ANKUB1: variants seen among roughly 807,000 people sequenced by gnomAD.
ANKUB1 encodes protein ANKUB1.
A neutral mutation model predicts 49.3 loss-of-function variants in ANKUB1; 42 were observed. That is an observed-to-expected ratio of 0.85 (90% CI 0.67 to 1.10). The LOEUF (loss-of-function observed/expected upper bound fraction) is 1.10. ANKUB1 is among the 50% of genes least tolerant of loss of function. ANKUB1 has a pLI of 0.00. For missense variants in ANKUB1, 613 were observed against 642.0 expected (o/e 0.95, Z 0.49); for synonymous variants, 222 against 231.0 (o/e 0.96, Z 0.35).
chr3:149,776,912 G>A (rs540192996), intron 3 of ANKUB1, among the ~76,000 whole-genome samples: 8 of 152,144 alleles, frequency 5.3e-5, no homozygotes, highest in Non-Finnish European at 1.0e-4. Flanking sequence ...AGGAGGCAGC[G>A]GTTGCAGTAA....
Position 149,767,540 on chromosome 3 carries a change from C to A in ANKUB1, c.1122G>T (p.Val374=), listed in dbSNP as rs1421825836. Residue 374 remains valine, a synonymous_variant, in exon 5 of 6, where the codon GTG becomes GTT. Transcript: ENST00000446160. Reference sequence around the variant, plus strand: ...GTTTGCTGAGAGATGGTAGCTTGAGCACGATGCTTTGTGAGTCGCTGTTCC... The same window carrying A: ...GTTTGCTGAGAGATGGTAGCTTGAGAACGATGCTTTGTGAGTCGCTGTTCC... ...KAGNSDSQSI[V]LKLPSLSKQT... The A allele has an allele frequency of 1.9e-6, 3 of 1,551,526 alleles. No homozygotes were observed. In the Admixed American group the frequency reaches 5.9e-5, roughly 30 times the overall value.
intron 3 of ANKUB1, among the ~76,000 whole-genome samples, chr3:149,775,574 A>G (rs926418859): frequency 1.4e-4 from 22 of 152,100 alleles, no homozygotes; most frequent in African/African-American, 5.3e-4. Context: ...AGCTGACACA[A>G]CCCTGCTCCT....
Position 149,767,917 on chromosome 3 carries a change from C to T in ANKUB1, c.745G>A (p.Glu249Lys), listed in dbSNP as rs1193526174. The T allele has an allele frequency of 6.5e-7, 1 of 1,550,320 alleles. No individual in the cohort carries two copies. The highest frequency in any genetic ancestry group is 1.4e-5 in the African/African-American group (1 of 73,040). ...TTCAGAATCAACAGTTGGCCTGCTT[C>T]TGCGGCTGCATGAATGGGGCATTTA... ...VSKCPIHAAA[E>K]AGQLLILKAF... Residue 249 changes from glutamate (E) to lysine (K), a missense_variant, in exon 5 of 6, where the codon GAA becomes AAA. Coordinates refer to ENST00000446160, the MANE Select transcript of ANKUB1 (RefSeq NM_001144960.3).
chr3:149,770,000 C>A (rs1288527822), intron 4 of ANKUB1, among the ~76,000 whole-genome samples: 1 of 152,114 alleles, frequency 6.6e-6, no homozygotes, highest in African/African-American at 2.4e-5. Flanking sequence ...AACCCCTTCT[C>A]CTCTTTCTCC....
chr3:149,761,404 CTGT>C lies in ANKUB1; in HGVS notation c.*77_*79del. 2 of 1,447,702 alleles carry C rather than the reference CTGT, an allele frequency of 1.4e-6. No individual in the cohort carries two copies. Among genetic ancestry groups the C allele is most frequent in the Non-Finnish European group, 1.9e-6 (2 of 1,065,332 alleles). 89.7% of individuals were successfully genotyped at this position (1,447,702 alleles called of 1,614,324 possible). ...GTTACTAGAGATGATAACATTAGAA[CTGT>C]TATTAGAAATGTTAACATTAGAACT... is the stretch of plus-strand genomic sequence containing the variant. On this transcript the variant is annotated 3_prime_UTR_variant, in exon 6 of 6. Coordinates refer to ENST00000446160, the MANE Select transcript of ANKUB1 (RefSeq NM_001144960.3).
intron 2 of ANKUB1, among the ~76,000 whole-genome samples, chr3:149,786,381 T>G (rs1465641986): frequency 6.6e-6 from 1 of 152,248 alleles, no homozygotes; most frequent in African/African-American, 2.4e-5. Context: ...AATGTCTTCT[T>G]TTGAGAAGCA....
At chr3:149,776,847 T>C (rs1244957652) in intron 3 of ANKUB1, among the ~76,000 whole-genome samples, 1 of 152,028 alleles carries the variant, frequency 6.6e-6, no homozygotes, top group Admixed American at 6.6e-5. Context: ...CATGGTGGGA[T>C]GCACCTGTAG....
At position 149,784,302 on chromosome 3, in the gene ANKUB1, G is replaced by T. The variant is rs149893633; in HGVS notation, c.235-3847C>A. Among the ~76,000 whole-genome samples, 538 of 152,290 alleles carry T rather than the reference G, an allele frequency of 3.5e-3. 5 individuals are homozygous for T. The highest frequency in any genetic ancestry group is 0.012 in the African/African-American group (509 of 41,564). On this transcript the variant is annotated intron_variant, in intron 2 of 5. Coordinates refer to ENST00000446160, the MANE Select transcript of ANKUB1 (RefSeq NM_001144960.3). ...CCTAGGGAGGCTGAGCCCATTTCAC[G>T]CTCTGAAAAGCACAACCTGCTGGAT...
chr3:149,763,479 T>A (rs755129839), intron 5 of ANKUB1, among the ~76,000 whole-genome samples: 10 of 152,220 alleles, frequency 6.6e-5, no homozygotes, highest in Non-Finnish European at 1.5e-4. Flanking sequence ...TATGCCTTTT[T>A]AAATAAAGAA....
intron 5 of ANKUB1, chr3:149,766,746 T>C (rs1717033586): frequency 1.2e-6 from 1 of 829,634 alleles, no homozygotes; most frequent in Non-Finnish European, 1.9e-6. Context: ...TGCAATGAGC[T>C]GTGATAGCAC....
rs954714 is a variant in ANKUB1 at position 149,761,514 on chromosome 3, C to T, written c.1605G>A (p.Ala535=). The change falls in exon 6 of 6, where the codon GCG becomes GCA. Residue 535 remains alanine, a synonymous_variant. Transcript: ENST00000446160. Reference sequence around the variant, plus strand: ...GCACAGTTTCTAGAGAGTTTTCACACGCTGTCAGACCTCCTCGGGTAGTCA... The same window carrying T: ...GCACAGTTTCTAGAGAGTTTTCACATGCTGTCAGACCTCCTCGGGTAGTCA... ...SNLTTRGGLT[A]CENSLETVL 0.5 allele frequency: 774,129 copies of T among 1,550,676 alleles called. 195,057 individuals are homozygous for T. Among genetic ancestry groups the T allele is most frequent in the African/African-American group, 0.64 (46,544 of 73,028 alleles).
intron 5 of ANKUB1, among the ~76,000 whole-genome samples, chr3:149,765,516 C>CT (rs1323715474): frequency 1.3e-5 from 2 of 151,748 alleles, no homozygotes; most frequent in Non-Finnish European, 2.9e-5. Context: ...ACACTGTCAG[C>CT]TTTTCTTATC....
chr3:149,780,301 C>T lies in ANKUB1; in HGVS notation c.389G>A (p.Arg130Gln), dbSNP rs1309352931. ...CGLPVSVYCL[R>Q]TPRGLEMYDC... ...ATACATCTCCAGGCCCCTTGGGGTT[C>T]GGAGACAGTAGACACTCACGGGGAG... Residue 130 changes from arginine to glutamine, a missense_variant, in exon 3 of 6, where the codon CGA becomes CAA. Transcript: ENST00000446160. The T allele has an allele frequency of 7.7e-6, 12 of 1,551,560 alleles. No homozygotes were observed. The highest frequency in any genetic ancestry group is 2.4e-5 in the South Asian group (2 of 84,054).
At chr3:149,771,799 C>T (rs1717374476) in intron 3 of ANKUB1, among the ~76,000 whole-genome samples, 1 of 152,108 alleles carries the variant, frequency 6.6e-6, no homozygotes, top group Non-Finnish European at 1.5e-5. Flanking sequence ...CCAGGTGTCA[C>T]TCATTCCCAA....
In ANKUB1 at chr3:149,792,377, C is replaced by A; in HGVS notation, c.-11G>T. 1 of 1,457,798 alleles carries A rather than the reference C, an allele frequency of 6.9e-7. No homozygotes were observed. Among genetic ancestry groups the A allele is most frequent in the South Asian group, 1.4e-5 (1 of 71,590 alleles). The allele number at this position is 1,457,798 out of a possible 1,614,324, so 90.3% of individuals were successfully genotyped here. On this transcript the variant is annotated 5_prime_UTR_variant, in exon 1 of 6. Coordinates refer to ENST00000446160, the MANE Select transcript of ANKUB1 (RefSeq NM_001144960.3). ...GATGAAAATCCTCATTGTACAATTACCTTTTCAAACAAAAAATATCCAACT... is the reference window on the plus strand; with the variant it reads ...GATGAAAATCCTCATTGTACAATTAACTTTTCAAACAAAAAATATCCAACT...
rs181454098 is a variant in ANKUB1, at chr3:149,766,522, A to G, written c.1505+635T>C. ...GAAAAAGAAGAAGCATTAGCAGGCT[A>G]GGCACAGTGGTTCATGCCTGTAATC... On this transcript the variant is annotated intron_variant, in intron 5 of 5. Coordinates refer to ENST00000446160, the MANE Select transcript of ANKUB1 (RefSeq NM_001144960.3). The G allele has an allele frequency of 3.4e-4, 92 of 274,142 alleles. 1 individual carries two copies. The East Asian group carries it at 4.4e-3, about 13-fold the overall frequency. 17.0% of individuals were successfully genotyped at this position (274,142 alleles called of 1,614,324 possible).
intron 2 of ANKUB1, among the ~76,000 whole-genome samples, chr3:149,785,252 TTTATTA>T (rs568736849): frequency 9.9e-4 from 150 of 152,070 alleles, no homozygotes; most frequent in African/African-American, 3.6e-3. Flanking sequence ...TACAATGTTC[TTTATTA>T]TTATTATTAT....
chr3:149,766,851 A>AAGG, intron 5 of ANKUB1: 5 of 1,173,906 alleles, frequency 4.3e-6, no homozygotes, highest in Middle Eastern at 2.3e-4. Context: ...CAGCAGCAGC[A>AAGG]GCAGCAGCAG....
intron 5 of ANKUB1, chr3:149,763,977 G>A (rs997453733): frequency 8.8e-6 from 4 of 456,252 alleles, no homozygotes; most frequent in African/African-American, 6.0e-5. Context: ...TCTGCTTTGG[G>A]AGACTCCCCT....
Sources: gnomAD v4.1 joint callset for allele counts (sites outside exome capture counted in the v4.1 genomes callset) on GRCh38, gnomAD v4.1.1 for gene constraint, MANE v1.5 for transcripts, NCBI Gene and HGNC (gene_info 2026-07-23, HGNC 2026-07-21) for gene names.